ROR2: variants seen among roughly 807,000 people sequenced by gnomAD.
ROR2 encodes tyrosine-protein kinase transmembrane receptor ROR2.
Under a neutral mutation model 74.9 loss-of-function variants are expected in ROR2, and 33 were observed. That is an observed-to-expected ratio of 0.44 (90% CI 0.33 to 0.59). The LOEUF (loss-of-function observed/expected upper bound fraction) is 0.59. Ranked by LOEUF, ROR2 falls within the 20% of genes least tolerant of loss-of-function variation. ROR2 has a pLI of 0.02. For synonymous variants in ROR2, 586 were observed against 558.7 expected, an observed-to-expected ratio of 1.05 and a Z score of -0.69; for missense variants, 1,216 against 1,313.8, an observed-to-expected ratio of 0.93 and a Z score of 1.15.
chr9:91,733,155 G>A lies in ROR2; in HGVS notation c.904C>T (p.Arg302Cys), dbSNP rs767372181. 9 of 1,603,342 alleles carry A rather than the reference G, an allele frequency of 5.6e-6. No homozygotes were observed. Among genetic ancestry groups the A allele is most frequent in the South Asian group, 1.1e-5 (1 of 89,498 alleles). ...PESPDAANCM[R>C]IGIPAERLGR... is the part of the protein sequence containing the mutation. Reference sequence around the variant, plus strand: ...AGCCTCTCGGCTGGGATGCCAATGCGCATGCAGTTGGCAGCGTCGGGGCTC... The same window carrying A: ...AGCCTCTCGGCTGGGATGCCAATGCACATGCAGTTGGCAGCGTCGGGGCTC... Residue 302 changes from arginine to cysteine, a missense_variant, in exon 6 of 9, where the codon CGC (arginine) becomes TGC (cysteine). By Grantham distance (180) the Arg-to-Cys change is radical. Transcript: ENST00000375708. The surrounding 1 kb of genome is among the most constrained non-coding windows in gnomAD (Gnocchi z 5.7).
At chr9:91,744,741 T>C (rs566752117) in intron 4 of ROR2, among the ~76,000 whole-genome samples, 13 of 152,338 alleles carry the variant, frequency 8.5e-5, no homozygotes, top group African/African-American at 2.9e-4. Context: ...GCTTTTGCAA[T>C]GGCCACCTCT....
At chr9:91,873,089 T>C (rs1829850987) in intron 1 of ROR2, among the ~76,000 whole-genome samples, 2 of 152,230 alleles carry the variant, frequency 1.3e-5, no homozygotes, top group Non-Finnish European at 2.9e-5. Context: ...GCTTGCTCCA[T>C]CAACAGTCTC....
At chr9:91,771,002 TTC>T (rs1181161598) in intron 2 of ROR2, among the ~76,000 whole-genome samples, 15 of 152,208 alleles carry the variant, frequency 9.9e-5, no homozygotes, top group Non-Finnish European at 2.1e-4. Context: ...CTGCTTTGTT[TTC>T]TCTTTCCAAG....
rs1417812687 is a variant in ROR2 at position 91,724,461 on chromosome 9, T to C, written c.2033A>G (p.Tyr678Cys). The change falls in exon 9 of 9, where the codon TAC (tyrosine) becomes TGC (cysteine). Residue 678 changes from tyrosine (Y) to cysteine (C), a missense_variant. Transcript: ENST00000375708. ...GAAGACCTCCCACAGGACCACACCGTAGGACCAGATGTCTGAGTCGATGGA... is the reference window on the plus strand; with the variant it reads ...GAAGACCTCCCACAGGACCACACCGCAGGACCAGATGTCTGAGTCGATGGA... ...KFSIDSDIWS[Y>C]GVVLWEVFSY... The C allele has an allele frequency of 6.2e-7, 1 of 1,614,192 alleles. No individual in the cohort carries two copies. Among genetic ancestry groups the C allele is most frequent in the Non-Finnish European group, 8.5e-7 (1 of 1,180,020 alleles).
Position 91,828,541 on chromosome 9 carries a change from C to T in ROR2, c.98-52723G>A, listed in dbSNP as rs138061323. On this transcript the variant is annotated intron_variant, in intron 1 of 8. Transcript: ENST00000375708. ...CCAGCCTGGCCAACATGGCAAAACC[C>T]GATCTCCACTAAAAATACAAAAATT... is the stretch of plus-strand genomic sequence containing the variant. Among the ~76,000 whole-genome samples, 252 of 152,122 alleles carry T rather than the reference C, an allele frequency of 1.7e-3. 1 individual carries two copies. The highest frequency in any genetic ancestry group is 6.8e-3 in the Middle Eastern group (2 of 294).
chr9:91,816,060 C>G (rs142726685), intron 1 of ROR2, among the ~76,000 whole-genome samples: 2 of 152,246 alleles, frequency 1.3e-5, no homozygotes, highest in East Asian at 3.9e-4. Context: ...AAGGCAAACA[C>G]CCGATGCCAT....
intron 2 of ROR2, among the ~76,000 whole-genome samples, chr9:91,768,584 C>T (rs7863502): frequency 0.032 from 4,832 of 152,270 alleles, 262 homozygotes; most frequent in African/African-American, 0.11. Context: ...ATGAGGGAAA[C>T]GGCCGCCCAC....
At chr9:91,943,727 T>A (rs545689418) in intron 1 of ROR2, among the ~76,000 whole-genome samples, 1 of 152,342 alleles carries the variant, frequency 6.6e-6, no homozygotes, top group South Asian at 2.1e-4. Context: ...CCCATCTGTG[T>A]AGTCATGTTA....
chr9:91,810,356 G>A (rs776668374), intron 1 of ROR2, among the ~76,000 whole-genome samples: 1 of 152,184 alleles, frequency 6.6e-6, no homozygotes, highest in Non-Finnish European at 1.5e-5. Flanking sequence ...GAAGCCATCA[G>A]CAAATGCCTT....
chr9:91,812,276 A>T (rs552639874), intron 1 of ROR2, among the ~76,000 whole-genome samples: 1 of 152,158 alleles, frequency 6.6e-6, no homozygotes, highest in African/African-American at 2.4e-5. Flanking sequence ...CATCTCTTGG[A>T]AGTAGAGATG....
At chr9:91,946,875 C>T (rs950904597) in intron 1 of ROR2, among the ~76,000 whole-genome samples, 1 of 152,132 alleles carries the variant, frequency 6.6e-6, no homozygotes, top group East Asian at 1.9e-4. Flanking sequence ...ATGAGCTGTT[C>T]GTACCCCTGT....
At chr9:91,909,269 CTT>C (rs1830893330) in intron 1 of ROR2, among the ~76,000 whole-genome samples, 3 of 152,154 alleles carry the variant, frequency 2.0e-5, no homozygotes, top group Non-Finnish European at 2.9e-5. Context: ...TCTGCATCCT[CTT>C]CTTATTGGAA....
intron 1 of ROR2, among the ~76,000 whole-genome samples, chr9:91,925,072 A>C (rs1831361919): frequency 6.6e-6 from 1 of 152,052 alleles, no homozygotes; most frequent in Admixed American, 6.5e-5. Context: ...GGCTGGTCTC[A>C]AACTCTTGGG....
Position 91,737,403 on chromosome 9 carries a change from T to G in ROR2, c.610A>C (p.Asn204His). ...CTGCAGCTCCTACCTGTGATTCGGTTTTCAATCTCCCCCTGCATCTGAAGC... is the reference window on the plus strand; with the variant it reads ...CTGCAGCTCCTACCTGTGATTCGGTGTTCAATCTCCCCCTGCATCTGAAGC... ...DSLQMQGEIE[N>H]RITAAFTMIG... is the part of the protein sequence containing the mutation. Residue 204 changes from asparagine (N) to histidine (H), a missense_variant, in exon 5 of 9, where the codon AAC becomes CAC. Coordinates refer to ENST00000375708, the MANE Select transcript of ROR2 (RefSeq NM_004560.4). 1 of 1,614,082 alleles carries G rather than the reference T, an allele frequency of 6.2e-7. No individual in the cohort carries two copies. The highest frequency in any genetic ancestry group is 8.5e-7 in the Non-Finnish European group (1 of 1,180,012).
intron 1 of ROR2, among the ~76,000 whole-genome samples, chr9:91,816,752 G>A (rs1223871723): frequency 7.7e-6 from 1 of 129,960 alleles, no homozygotes; most frequent in Non-Finnish European, 1.5e-5. Flanking sequence ...CCAGAGATAT[G>A]ACATGTCAGT....
intron 1 of ROR2, among the ~76,000 whole-genome samples, chr9:91,823,302 G>A (rs968288191): frequency 1.3e-5 from 2 of 151,892 alleles, no homozygotes; most frequent in Non-Finnish European, 1.5e-5. Flanking sequence ...GGCATGTCAT[G>A]ATGTCAACAA....
At chr9:91,856,797 A>C (rs1829304612) in intron 1 of ROR2, among the ~76,000 whole-genome samples, 1 of 152,210 alleles carries the variant, frequency 6.6e-6, no homozygotes. Flanking sequence ...GGCCCATAAC[A>C]ATGGCAATTC....
chr9:91,909,270 T>C (rs1830893235), intron 1 of ROR2, among the ~76,000 whole-genome samples: 1 of 152,200 alleles, frequency 6.6e-6, no homozygotes, highest in Non-Finnish European at 1.5e-5. Flanking sequence ...CTGCATCCTC[T>C]TCTTATTGGA....
intron 1 of ROR2, among the ~76,000 whole-genome samples, chr9:91,875,096 C>T (rs1829919687): frequency 6.6e-6 from 1 of 152,164 alleles, no homozygotes; most frequent in African/African-American, 2.4e-5. Context: ...TACATTTTCT[C>T]CAACTTTAGA....
Sources: allele counts gnomAD v4.1 joint callset (sites outside exome capture counted in the v4.1 genomes callset), GRCh38; gene constraint gnomAD v4.1.1; non-coding constraint Gnocchi (gnomAD v3.1); transcripts MANE v1.5; gene names NCBI Gene and HGNC (gene_info 2026-07-23, HGNC 2026-07-21).